Variants in CMIP observed in about 807,000 individuals in gnomAD.
The protein encoded by CMIP is c-Maf inducing protein, also known as C-Maf-inducing protein.
A neutral mutation model predicts 97.3 loss-of-function variants in CMIP; 13 were observed. That is an observed-to-expected ratio of 0.13 (90% CI 0.09 to 0.21). The LOEUF is 0.21. Ranked by LOEUF, CMIP falls within the 10% of genes least tolerant of loss-of-function variation. The pLI, the probability that CMIP is intolerant of heterozygous loss-of-function variation, is 1.00. For synonymous variants in CMIP, 538 were observed against 436.3 expected (o/e 1.23, Z -2.91); for missense variants, 847 against 1,024.9 (o/e 0.83, Z 2.37).
rs770362181 is a variant in CMIP, at chr16:81,693,419, G to A, written c.1482-20G>A. 24 of 1,607,754 alleles carry A rather than the reference G, an allele frequency of 1.5e-5. 1 individual carries two copies. The highest frequency in any genetic ancestry group is 5.3e-5 in the African/African-American group (4 of 74,806). On this transcript the variant is annotated intron_variant, in intron 12 of 20. Coordinates refer to ENST00000537098, the MANE Select transcript of CMIP (RefSeq NM_198390.3). ...AGTTCCAGACCCCGGCAGTAACTCC[G>A]GCCGCCTCGTCTCTTCCAGGGAACT...
intron 3 of CMIP, among the ~76,000 whole-genome samples, chr16:81,626,266 AGTGACTGAGT>A (rs2092061071): frequency 6.6e-6 from 1 of 151,194 alleles, no homozygotes; most frequent in Non-Finnish European, 1.5e-5. Context: ...TGAGAGCGAG[AGTGACTGAGT>A]GTGACTGTGT....
chr16:81,628,916 A>G (rs2092112223), intron 3 of CMIP, among the ~76,000 whole-genome samples: 1 of 151,912 alleles, frequency 6.6e-6, no homozygotes, highest in Admixed American at 6.6e-5. Flanking sequence ...CGGGAGGATC[A>G]CTTGAGGTCA....
chr16:81,696,352 C>T, intron 13 of CMIP: 1 of 616,788 alleles, frequency 1.6e-6, no homozygotes, highest in Non-Finnish European at 2.9e-6. Context: ...TAGCCAGAGT[C>T]CCCTGGGGTG....
intron 1 of CMIP, among the ~76,000 whole-genome samples, chr16:81,467,870 C>T (rs1007491681): frequency 2.0e-5 from 3 of 150,216 alleles, no homozygotes; most frequent in African/African-American, 7.3e-5. Context: ...TGTGAGCCAC[C>T]GTGCCTGGCC....
intron 3 of CMIP, among the ~76,000 whole-genome samples, chr16:81,648,816 A>G (rs1597193732): frequency 7.4e-6 from 1 of 134,344 alleles, no homozygotes; most frequent in Non-Finnish European, 1.6e-5. Flanking sequence ...AAAAAAAAAA[A>G]AAAAGCCCTG....
At chr16:81,457,180 C>G (rs1340468566) in intron 1 of CMIP, among the ~76,000 whole-genome samples, 2 of 152,012 alleles carry the variant, frequency 1.3e-5, no homozygotes, top group Admixed American at 1.3e-4. Flanking sequence ...TCCGACCCCC[C>G]CGCCAGTCAG....
intron 1 of CMIP, among the ~76,000 whole-genome samples, chr16:81,574,734 T>C (rs1485595847): frequency 6.6e-6 from 1 of 152,178 alleles, no homozygotes; most frequent in Non-Finnish European, 1.5e-5. Context: ...TGGTGGCCTC[T>C]GTGGACAGGT....
chr16:81,595,034 GTC>G (rs60887695), intron 1 of CMIP, among the ~76,000 whole-genome samples: 18,710 of 144,652 alleles, frequency 0.13, 1,408 homozygotes, highest in East Asian at 0.43. Context: ...ATATCATGTG[GTC>G]TCTCTCTCTC....
intron 3 of CMIP, among the ~76,000 whole-genome samples, chr16:81,635,890 A>T (rs1356495481): frequency 6.6e-6 from 1 of 152,118 alleles, no homozygotes; most frequent in Non-Finnish European, 1.5e-5. Flanking sequence ...GCTCTTAGGA[A>T]AATGGTTTGT....
chr16:81,528,239 A>G (rs1215621902), intron 1 of CMIP, among the ~76,000 whole-genome samples: 1 of 152,094 alleles, frequency 6.6e-6, no homozygotes, highest in Non-Finnish European at 1.5e-5. Flanking sequence ...TTTTAAGGAG[A>G]TGGTTGAAAT....
At chr16:81,520,150 C>T (rs961138276) in intron 1 of CMIP, 22 of 152,208 alleles carry the variant, frequency 1.4e-4, no homozygotes, top group Admixed American at 1.1e-3. Context: ...CCCAGGTAGT[C>T]AAGAAGCGGT....
intron 1 of CMIP, among the ~76,000 whole-genome samples, chr16:81,494,437 C>T (rs78700993): frequency 0.098 from 14,933 of 152,214 alleles, 1,146 homozygotes; most frequent in African/African-American, 0.22. Flanking sequence ...GTGGGTCTCC[C>T]TATAGCCTGG....
chr16:81,445,571 C>T lies in CMIP; in HGVS notation c.300+30C>T, dbSNP rs780422501. ...GTGGCTCTGCGCGGCTGCACCCCCG[C>T]CTCTCCTCGGGGCCCGAGATGCGCC... On this transcript the variant is annotated intron_variant, in intron 1 of 20. Transcript: ENST00000537098. 4 of 1,532,928 alleles carry T rather than the reference C, an allele frequency of 2.6e-6. No individual in the cohort carries two copies. The South Asian group carries it at 4.8e-5, about 18-fold the overall frequency. The allele number at this position is 1,532,928 out of a possible 1,614,324, so 95.0% of individuals were successfully genotyped here.
chr16:81,446,253 T>TG (rs1219560793), intron 1 of CMIP, among the ~76,000 whole-genome samples: 1 of 152,122 alleles, frequency 6.6e-6, no homozygotes, highest in Non-Finnish European at 1.5e-5. Flanking sequence ...GTAGAGTGTG[T>TG]GTATACGTGT....
chr16:81,606,146 C>T (rs1005398212), intron 1 of CMIP, among the ~76,000 whole-genome samples: 1 of 152,208 alleles, frequency 6.6e-6, no homozygotes, highest in African/African-American at 2.4e-5. Context: ...TCTTGGAACA[C>T]AGGATAGAGG....
intron 8 of CMIP, among the ~76,000 whole-genome samples, chr16:81,670,986 T>C (rs1327668790): frequency 6.6e-6 from 1 of 152,076 alleles, no homozygotes; most frequent in East Asian, 1.9e-4. Context: ...ACGTTACGAC[T>C]CCTGGCTAAT....
chr16:81,665,268 TG>T (rs1374866268), intron 7 of CMIP: 4 of 152,216 alleles, frequency 2.6e-5, no homozygotes, highest in African/African-American at 9.7e-5. Context: ...TGCCATTATT[TG>T]CCCTGTATGT....
chr16:81,506,995 G>A (rs779751621), intron 1 of CMIP, among the ~76,000 whole-genome samples: 8 of 151,990 alleles, frequency 5.3e-5, no homozygotes, highest in African/African-American at 2.4e-5. Context: ...GCTCACGCCT[G>A]TAATCCTAAC....
At chr16:81,539,662 G>GA (rs1480220730) in intron 1 of CMIP, among the ~76,000 whole-genome samples, 1 of 152,144 alleles carries the variant, frequency 6.6e-6, no homozygotes, top group Non-Finnish European at 1.5e-5. Context: ...TTTCTCAGCT[G>GA]GAGCCTCCTC....
Sources: allele counts gnomAD v4.1 joint callset (sites outside exome capture counted in the v4.1 genomes callset), GRCh38; gene constraint gnomAD v4.1.1; transcripts MANE v1.5; gene names NCBI Gene and HGNC (gene_info 2026-07-23, HGNC 2026-07-21).